PAPOLG: variants seen among roughly 807,000 people sequenced by gnomAD.
PAPOLG encodes the protein PAP-gamma.
A neutral mutation model predicts 99.0 loss-of-function variants in PAPOLG; 40 were observed. The observed-to-expected ratio is 0.40, with a 90% CI of 0.31 to 0.53. PAPOLG has a LOEUF of 0.53. Ranked by LOEUF, PAPOLG falls within the 20% of genes least tolerant of loss-of-function variation. The probability of loss-of-function intolerance (pLI) is 0.41; values close to 1 mark genes in which losing one functional copy is unlikely to be tolerated. For missense variants in PAPOLG, 675 were observed against 884.1 expected (o/e 0.76, Z 3.00); for synonymous variants, 310 against 299.3 (o/e 1.04, Z -0.37).
chr2:60,768,062 G>GT (rs1298233615), intron 3 of PAPOLG, among the ~76,000 whole-genome samples: 1 of 152,004 alleles, frequency 6.6e-6, no homozygotes, highest in African/African-American at 2.4e-5. Context: ...ATCTAATCAT[G>GT]TATCATTTGC....
At chr2:60,796,048 G>A (rs1018448527) in intron 21 of PAPOLG, among the ~76,000 whole-genome samples, 3 of 151,802 alleles carry the variant, frequency 2.0e-5, no homozygotes, top group Non-Finnish European at 2.9e-5. Context: ...TTATTGCCCT[G>A]GTGTCTACTT....
At chr2:60,783,500 C>CTTTTTTTTTTTTTTTTTTTTTTTT (rs761205449) in intron 13 of PAPOLG, among the ~76,000 whole-genome samples, 3 of 45,362 alleles carry the variant, frequency 6.6e-5, no homozygotes, top group Non-Finnish European at 1.3e-4. Flanking sequence ...TTTACCCGGC[C>CTTTTTTTTTTTTTTTTTTTTTTTT]TTTTTTTTTT....
At chr2:60,776,058 C>A (rs11687809) in intron 8 of PAPOLG, among the ~76,000 whole-genome samples, 2 of 152,016 alleles carry the variant, frequency 1.3e-5, no homozygotes, top group Admixed American at 1.3e-4. Flanking sequence ...CCATCAAGCC[C>A]GGCTCCAAAA....
Position 60,797,324 on chromosome 2 carries a change from G to A in PAPOLG, c.*164G>A. ...TTTTTGAACTGTCAAACTTTGACCT[G>A]TAGATGCTGTAGCATTCTCTCACTG... On this transcript the variant is annotated 3_prime_UTR_variant, in exon 22 of 22. Transcript: ENST00000238714. 1 of 749,030 alleles carries A rather than the reference G, an allele frequency of 1.3e-6. No individual in the cohort carries two copies. Among genetic ancestry groups the A allele is most frequent in the East Asian group, 2.7e-5 (1 of 37,060 alleles). The allele number at this position is 749,030 out of a possible 1,614,324, so 46.4% of individuals were successfully genotyped here. A position where few individuals can be genotyped will look rare whatever the true frequency, so the allele number is the denominator to read the frequency against.
chr2:60,778,249 C>T (rs936221011), intron 8 of PAPOLG, among the ~76,000 whole-genome samples: 5 of 152,134 alleles, frequency 3.3e-5, no homozygotes, highest in Non-Finnish European at 5.9e-5. Flanking sequence ...TGGGCCCAAG[C>T]GATCCTTCCA....
At chr2:60,766,613 G>T (rs1217006285) in intron 3 of PAPOLG, among the ~76,000 whole-genome samples, 1 of 151,510 alleles carries the variant, frequency 6.6e-6, no homozygotes, top group Non-Finnish European at 1.5e-5. Context: ...GCTGTGGTGA[G>T]CTAAGATCAC....
chr2:60,775,640 A>G (rs1359209427), intron 8 of PAPOLG, among the ~76,000 whole-genome samples: 2 of 152,152 alleles, frequency 1.3e-5, no homozygotes, highest in African/African-American at 2.4e-5. Flanking sequence ...ATTCTGTATT[A>G]TTATTTAAGC....
intron 13 of PAPOLG, among the ~76,000 whole-genome samples, chr2:60,783,444 G>A (rs1427621908): frequency 1.5e-5 from 2 of 129,290 alleles, no homozygotes; most frequent in Non-Finnish European, 3.1e-5. Flanking sequence ...CAGGTGATCC[G>A]CCCACCTCAG....
In PAPOLG at chr2:60,756,399, G is replaced by C. The variant is rs947390131; in HGVS notation, c.-80G>C. ...GCGAGCTACTAGCGACCGGAGGAAA[G>C]TGAACAGGGGGAGAAGGGAACAGCA... is the stretch of plus-strand genomic sequence containing the variant. On this transcript the variant is annotated 5_prime_UTR_variant, in exon 1 of 22. Coordinates refer to ENST00000238714, the MANE Select transcript of PAPOLG (RefSeq NM_022894.4). 2 of 1,596,062 alleles carry C rather than the reference G, an allele frequency of 1.3e-6. No individual in the cohort carries two copies. The highest frequency in any genetic ancestry group is 1.3e-5 in the African/African-American group (1 of 74,542).
intron 13 of PAPOLG, among the ~76,000 whole-genome samples, chr2:60,783,500 CTTTTTTTTTTTTTTTTT>C (rs761205449): frequency 2.2e-5 from 1 of 45,364 alleles, no homozygotes; most frequent in Non-Finnish European, 4.4e-5. Context: ...TTTACCCGGC[CTTTTTTTTTTTTTTTTT>C]TTTTTTTTTT....
chr2:60,770,586 T>A, intron 6 of PAPOLG, 75 bp downstream of exon 6: 5 of 932,702 alleles, frequency 5.4e-6, no homozygotes, highest in Non-Finnish European at 6.4e-6. Flanking sequence ...AAATCAGGCT[T>A]AACATAAATG....
chr2:60,776,661 C>A (rs1468821091), intron 8 of PAPOLG, among the ~76,000 whole-genome samples: 1 of 152,072 alleles, frequency 6.6e-6, no homozygotes, highest in Non-Finnish European at 1.5e-5. Flanking sequence ...GTCCTGACCT[C>A]AGGTGATCTG....
chr2:60,786,778 C>T, intron 13 of PAPOLG, 169 bp from the exon 14 acceptor site: 1 of 298,746 alleles, frequency 3.3e-6, no homozygotes. Context: ...GATTCACCCA[C>T]TCTTGCCTCC....
chr2:60,756,585 T>C, intron 1 of PAPOLG, 90 bp downstream of exon 1: 1 of 1,366,778 alleles, frequency 7.3e-7, no homozygotes. Flanking sequence ...CCCTGTCCCT[T>C]GCGCCCTGCA....
chr2:60,790,205 C>T (rs985888666), intron 15 of PAPOLG, among the ~76,000 whole-genome samples: 7 of 152,320 alleles, frequency 4.6e-5, no homozygotes, highest in African/African-American at 1.4e-4. Context: ...CCTGGTAACT[C>T]TTTCATAATC....
rs944261666 is a variant in PAPOLG at position 60,789,601 on chromosome 2, A to G, written c.1396+1981A>G. On this transcript the variant is annotated intron_variant, in intron 15 of 21. Transcript: ENST00000238714. ...ACAGAATTGCTGAATATATTTCAGG[A>G]TCAGTGAAAAGTATGTCTTTCACAT... 2.4e-4 allele frequency among the ~76,000 whole-genome samples: 36 copies of G among 152,196 alleles called. 1 individual carries two copies. Among genetic ancestry groups the G allele is most frequent in the African/African-American group, 8.4e-4 (35 of 41,458 alleles).
chr2:60,794,105 T>C lies in PAPOLG; in HGVS notation c.1903T>C (p.Ser635Pro). The C allele has an allele frequency of 6.2e-7, 1 of 1,614,116 alleles. No homozygotes were observed. The highest frequency in any genetic ancestry group is 8.5e-7 in the Non-Finnish European group (1 of 1,179,980). Reference protein sequence around the residue: ...AQGQPHLNGMSNITKTVTPKR... With the variant: ...AQGQPHLNGMPNITKTVTPKR... ...GGGACAACCGCATCTGAATGGAATG[T>C]CAAATATAACTAAGACTGTTACACC... Residue 635 changes from serine (S) to proline (P), a missense_variant, in exon 19 of 22, where the codon TCA becomes CCA. By Grantham distance (74) the Ser-to-Pro change is moderately conservative. This residue lies in a region of PAPOLG where 413 missense variants were observed against 460.5 expected (regional missense o/e 0.90). Transcript: ENST00000238714.
At position 60,787,520 on chromosome 2, in the gene PAPOLG, C is replaced by T. The variant is rs927949343; in HGVS notation, c.1296C>T (p.Tyr432=). ...AAATTTTACTTTATAGCAACAATTA[C>T]GTATCAATGTGGTTCCTTGGGATAA... ...GNKEHHKDNN[Y]VSMWFLGIIF... Residue 432 remains tyrosine, a synonymous_variant, in exon 15 of 22, where the codon TAC becomes TAT. Coordinates refer to ENST00000238714, the MANE Select transcript of PAPOLG (RefSeq NM_022894.4). 7 of 1,611,660 alleles carry T rather than the reference C, an allele frequency of 4.3e-6. No individual in the cohort carries two copies. In the South Asian group the frequency reaches 4.4e-5, roughly 10 times the overall value.
chr2:60,797,183 T>C lies in PAPOLG; in HGVS notation c.*23T>C. 1 of 1,612,584 alleles carries C rather than the reference T, an allele frequency of 6.2e-7. No homozygotes were observed. On this transcript the variant is annotated 3_prime_UTR_variant, in exon 22 of 22. Coordinates refer to ENST00000238714, the MANE Select transcript of PAPOLG (RefSeq NM_022894.4). ...TAAAAGCAGTGCCTCCTCACTTAAG[T>C]GAACAAGCAATCATTTAGTGGCATA...
Sources: allele counts gnomAD v4.1 joint callset (sites outside exome capture counted in the v4.1 genomes callset), GRCh38; gene constraint gnomAD v4.1.1; regional missense constraint gnomAD v4.1.1; transcripts MANE v1.5; gene names NCBI Gene and HGNC (gene_info 2026-07-23, HGNC 2026-07-21).